DPP6: variants seen among roughly 807,000 people sequenced by gnomAD.
DPP6 encodes the protein dipeptidyl peptidase like 6.
DPP6 carries 69 observed loss-of-function variants against 122.6 expected under a neutral mutation model. The ratio of observed to expected loss-of-function variants is 0.56; its 90% CI spans 0.46 to 0.69. DPP6 has a LOEUF of 0.69. Among genes scored for constraint, DPP6 ranks in the 30% least tolerant of loss-of-function variants. The pLI, the probability that DPP6 is intolerant of heterozygous loss-of-function variation, is 0.00. For missense variants in DPP6, 928 were observed against 1,116.9 expected (o/e 0.83, Z 2.41); for synonymous variants, 418 against 433.1 (o/e 0.97, Z 0.43).
chr7:154,687,666 G>C (rs1839698766), intron 7 of DPP6, among the ~76,000 whole-genome samples: 1 of 151,988 alleles, frequency 6.6e-6, no homozygotes, highest in Non-Finnish European at 1.5e-5. Flanking sequence ...CTCTTATTTT[G>C]ATATTCTTTG....
the DPP6 span, among the ~76,000 whole-genome samples, chr7:153,790,169 T>C: frequency 6.6e-6 from 1 of 152,178 alleles, no homozygotes; most frequent in African/African-American, 2.4e-5. Context: ...CTCTTAAAAG[T>C]CCGGGTGTGC....
At chr7:153,829,182 T>G in the DPP6 span, among the ~76,000 whole-genome samples, 1 of 152,176 alleles carries the variant, frequency 6.6e-6, no homozygotes, top group African/African-American at 2.4e-5. Flanking sequence ...TGGGGCCATG[T>G]TTTGGCTTTC....
chr7:154,217,352 CA>C (rs1800063879), intron 1 of DPP6, among the ~76,000 whole-genome samples: 1 of 152,092 alleles, frequency 6.6e-6, no homozygotes, highest in African/African-American at 2.4e-5. Flanking sequence ...TGCATGGAAG[CA>C]CAAATCATTT....
chr7:154,468,304 A>G (rs1440668710), intron 2 of DPP6, among the ~76,000 whole-genome samples: 1 of 152,250 alleles, frequency 6.6e-6, no homozygotes, highest in African/African-American at 2.4e-5. Context: ...CGAAGAGCTG[A>G]AGAGAGATGT....
In DPP6 at chr7:154,760,641, G is replaced by A. The variant is rs1457619197; in HGVS notation, c.884-8776G>A. On this transcript the variant is annotated intron_variant, in intron 8 of 25. Transcript: ENST00000377770. This position sits in a 1 kb window ranked among gnomAD's most constrained non-coding sequence, Gnocchi z 4.5. ...TGGATGACCCAGTCGATTAACAAAT[G>A]AGTGAGAAACGAGAACATCCTTGCC... Among the ~76,000 whole-genome samples, 1 of 152,128 alleles carries A rather than the reference G, an allele frequency of 6.6e-6. No homozygotes were observed. The highest frequency in any genetic ancestry group is 1.5e-5 in the Non-Finnish European group (1 of 68,032).
At chr7:154,820,517 G>A (rs117512950) in intron 16 of DPP6, among the ~76,000 whole-genome samples, 3,227 of 152,212 alleles carry the variant, frequency 0.021, 52 homozygotes, top group Non-Finnish European at 0.027. Context: ...AAATGAATAC[G>A]GCTTCTTAAT....
rs1801951989 is a variant in DPP6, at chr7:154,061,733, AACCT to A, written c.243+8671_243+8674del. Among the ~76,000 whole-genome samples the A allele has an allele frequency of 2.6e-5, 2 of 76,418 alleles. 1 individual carries two copies. Among genetic ancestry groups the A allele is most frequent in the African/African-American group, 1.0e-4 (2 of 19,626 alleles). The allele number at this position is 76,418 out of a possible 152,430, so 50.1% of individuals were successfully genotyped here. On this transcript the variant is annotated intron_variant, in intron 1 of 25. Transcript: ENST00000377770. ...CAATCCCCGCGAGGCGGGGACTGCG[AACCT>A]CCCCCTTTCCTCCCCTGGCTCTTTG...
intron 1 of DPP6, among the ~76,000 whole-genome samples, chr7:154,355,711 T>C (rs1376111431): frequency 6.6e-6 from 1 of 152,218 alleles, no homozygotes; most frequent in Non-Finnish European, 1.5e-5. Flanking sequence ...GTTCCCCTGG[T>C]TTGTTTACCC....
At chr7:154,296,840 A>G (rs1805571716) in intron 1 of DPP6, among the ~76,000 whole-genome samples, 1 of 152,200 alleles carries the variant, frequency 6.6e-6, no homozygotes. Flanking sequence ...TTAGAATTGG[A>G]TACTGAGCCC....
At chr7:154,884,523 TCA>T (rs1584984496) in intron 21 of DPP6, 1 of 144,158 alleles carries the variant, frequency 6.9e-6, no homozygotes. Flanking sequence ...TCACACACAT[TCA>T]CATTCACATG....
intron 1 of DPP6, among the ~76,000 whole-genome samples, chr7:154,438,487 A>G (rs1819084364): frequency 1.3e-5 from 2 of 148,204 alleles, no homozygotes; most frequent in African/African-American, 2.6e-5. Flanking sequence ...AAAAAAAAAA[A>G]AAAAAAAAAA....
intron 10 of DPP6, among the ~76,000 whole-genome samples, chr7:154,787,032 T>C (rs933802655): frequency 7.9e-5 from 12 of 152,224 alleles, no homozygotes; most frequent in Non-Finnish European, 7.3e-5. Flanking sequence ...CCCTCCCCTG[T>C]TGTCTTTATT....
At chr7:154,626,471 G>T (rs1234626724) in intron 5 of DPP6, among the ~76,000 whole-genome samples, 2 of 152,138 alleles carry the variant, frequency 1.3e-5, no homozygotes, top group Admixed American at 1.3e-4. Flanking sequence ...CAAAAAGAAG[G>T]CATTCTATGT....
In DPP6 at chr7:154,760,033, G is replaced by T. The variant is rs770757438; in HGVS notation, c.884-9384G>T. On this transcript the variant is annotated intron_variant, in intron 8 of 25. Coordinates refer to ENST00000377770, the MANE Select transcript of DPP6 (RefSeq NM_130797.4). The surrounding 1 kb of genome is among the most constrained non-coding windows in gnomAD (Gnocchi z 4.5). ...AGCTACTCGGGAGGCCGAGGCAGAA[G>T]AATCACTTGAACCCAGCAGGCAGAG... Among the ~76,000 whole-genome samples the T allele has an allele frequency of 6.6e-6, 1 of 152,196 alleles. No homozygotes were observed. The highest frequency in any genetic ancestry group is 6.5e-5 in the Admixed American group (1 of 15,288).
intron 7 of DPP6, among the ~76,000 whole-genome samples, chr7:154,683,076 C>T (rs1377298310): frequency 6.6e-6 from 1 of 152,020 alleles, no homozygotes; most frequent in African/African-American, 2.4e-5. Flanking sequence ...TCTGTTTGTT[C>T]TTCAGTTTGA....
At position 154,880,961 on chromosome 7, in the gene DPP6, G is replaced by A. The variant is rs772474603; in HGVS notation, c.2133+19G>A. On this transcript the variant is annotated intron_variant, in intron 21 of 25. Coordinates refer to ENST00000377770, the MANE Select transcript of DPP6 (RefSeq NM_130797.4). ...TGGGAAGGTGAGTCTGCGCCACCCT[G>A]GTCTGAAAACCCCTCAGTTCCAGTG... is the stretch of plus-strand genomic sequence containing the variant. The A allele has an allele frequency of 1.2e-6, 2 of 1,613,500 alleles. No homozygotes were observed. Among genetic ancestry groups the A allele is most frequent in the Non-Finnish European group, 1.7e-6 (2 of 1,179,552 alleles).
the DPP6 span, among the ~76,000 whole-genome samples, chr7:153,851,356 C>T: frequency 6.6e-6 from 1 of 152,158 alleles, no homozygotes; most frequent in African/African-American, 2.4e-5. Flanking sequence ...CAAAATATTG[C>T]TGTCCTCCTC....
intron 4 of DPP6, among the ~76,000 whole-genome samples, chr7:154,562,744 C>T (rs186936084): frequency 3.2e-4 from 48 of 152,158 alleles, no homozygotes; most frequent in Non-Finnish European, 6.0e-4. Flanking sequence ...ATCAATGCTA[C>T]AGAAAATAAG....
intron 1 of DPP6, among the ~76,000 whole-genome samples, chr7:154,414,225 A>G (rs908826424): frequency 6.6e-6 from 1 of 152,200 alleles, no homozygotes; most frequent in African/African-American, 2.4e-5. Context: ...ACTCCGACCA[A>G]CAAAATTCAA....
Sources: gnomAD v4.1 joint callset for allele counts (sites outside exome capture counted in the v4.1 genomes callset) on GRCh38, gnomAD v4.1.1 for gene constraint, Gnocchi (gnomAD v3.1) non-coding constraint, MANE v1.5 for transcripts, NCBI Gene and HGNC (gene_info 2026-07-23, HGNC 2026-07-21) for gene names.